PCNX2: variants seen among roughly 807,000 people sequenced by gnomAD.
The protein encoded by PCNX2 is pecanex 2, also known as pecanex-like protein 2.
A neutral mutation model predicts 223.8 loss-of-function variants in PCNX2; 168 were observed. The ratio of observed to expected loss-of-function variants is 0.75; its 90% confidence interval spans 0.66 to 0.85. The LOEUF (loss-of-function observed/expected upper bound fraction) is 0.85, where lower values mean the gene tolerates loss of function less well. PCNX2 is among the 40% of genes least tolerant of loss of function. PCNX2 has a pLI of 0.00. For missense variants in PCNX2, 2,507 were observed against 2,675.5 expected, an observed-to-expected ratio of 0.94 and a Z score of 1.39; for synonymous variants, 1,006 against 1,052.6, an observed-to-expected ratio of 0.96 and a Z score of 0.86.
chr1:233,050,978 CA>C (rs1671984615), intron 25 of PCNX2, among the ~76,000 whole-genome samples: 2 of 151,534 alleles, frequency 1.3e-5, no homozygotes, highest in African/African-American at 4.9e-5. Flanking sequence ...ATCAAACAAG[CA>C]AAAAATAAAT....
At chr1:233,103,209 A>C (rs969333137) in intron 21 of PCNX2, among the ~76,000 whole-genome samples, 1 of 152,154 alleles carries the variant, frequency 6.6e-6, no homozygotes, top group Non-Finnish European at 1.5e-5. Context: ...ATAGGCATGC[A>C]ATACGTAATA....
the PCNX2 span, among the ~76,000 whole-genome samples, chr1:233,321,366 C>T: frequency 2.6e-5 from 4 of 152,250 alleles, no homozygotes; most frequent in South Asian, 2.1e-4. Context: ...GACATGATCT[C>T]GGCCCACTGC....
At chr1:233,143,322 A>G (rs932464884) in intron 19 of PCNX2, among the ~76,000 whole-genome samples, 1 of 152,224 alleles carries the variant, frequency 6.6e-6, no homozygotes, top group South Asian at 2.1e-4. Flanking sequence ...GGTGATTCTC[A>G]AACATCAACA....
intron 1 of PCNX2, among the ~76,000 whole-genome samples, chr1:233,280,199 C>T (rs1338873627): frequency 6.6e-6 from 1 of 152,060 alleles, no homozygotes; most frequent in Non-Finnish European, 1.5e-5. Flanking sequence ...TGTTTCTAGT[C>T]ATCTGCTATA....
chr1:233,221,456 CTCCTCTGCCAGGATTCAAT>C (rs1657375602), intron 10 of PCNX2, among the ~76,000 whole-genome samples: 1 of 152,070 alleles, frequency 6.6e-6, no homozygotes, highest in Admixed American at 6.5e-5. Context: ...CCTCCAAATT[CTCCTCTGCCAGGATTCAAT>C]TCCTCTGCCC....
intron 9 of PCNX2, among the ~76,000 whole-genome samples, chr1:233,230,658 G>T (rs74490211): frequency 2.6e-5 from 4 of 152,136 alleles, no homozygotes; most frequent in African/African-American, 4.8e-5. Context: ...TAGGAAAAGC[G>T]AGGACAAAGG....
At chr1:233,202,695 C>T (rs1031702551) in intron 13 of PCNX2, among the ~76,000 whole-genome samples, 2 of 152,178 alleles carry the variant, frequency 1.3e-5, no homozygotes, top group African/African-American at 4.8e-5. Flanking sequence ...GTTCTAAAAC[C>T]TCCACTTATC....
At position 232,994,815 on chromosome 1, in the gene PCNX2, C is replaced by G. The variant is rs146402564; in HGVS notation, c.5791+3436G>C. Among the ~76,000 whole-genome samples the G allele has an allele frequency of 2.3e-3, 343 of 152,260 alleles. 1 individual carries two copies. Among genetic ancestry groups the G allele is most frequent in the African/African-American group, 7.7e-3 (319 of 41,530 alleles). On this transcript the variant is annotated intron_variant, in intron 32 of 33. Coordinates refer to ENST00000258229, the MANE Select transcript of PCNX2 (RefSeq NM_014801.4). ...AGTGTGGCACTTCCTCACTCTTGCTCTCTCCTGCCACCATGTAAGATGTGT... is the reference window on the plus strand; with the variant it reads ...AGTGTGGCACTTCCTCACTCTTGCTGTCTCCTGCCACCATGTAAGATGTGT...
At chr1:233,209,016 C>A (rs1476034706) in intron 12 of PCNX2, among the ~76,000 whole-genome samples, 2 of 152,132 alleles carry the variant, frequency 1.3e-5, no homozygotes, top group Non-Finnish European at 2.9e-5. Flanking sequence ...CTTTCCCCAA[C>A]AGTGAAACTT....
chr1:233,031,403 T>A (rs1035610438), intron 25 of PCNX2, among the ~76,000 whole-genome samples: 3 of 152,210 alleles, frequency 2.0e-5, no homozygotes, highest in Non-Finnish European at 4.4e-5. Flanking sequence ...GATGCATTGA[T>A]TGAATGGACA....
chr1:233,165,603 G>A (rs1678746618), intron 17 of PCNX2, among the ~76,000 whole-genome samples: 1 of 152,022 alleles, frequency 6.6e-6, no homozygotes, highest in Admixed American at 6.6e-5. Context: ...TTAATTTAAA[G>A]TACTATTTAT....
At chr1:233,085,424 A>G (rs1673554605) in intron 23 of PCNX2, among the ~76,000 whole-genome samples, 1 of 152,152 alleles carries the variant, frequency 6.6e-6, no homozygotes, top group African/African-American at 2.4e-5. Context: ...AATTGAAGGT[A>G]TATATAGACT....
intron 26 of PCNX2, among the ~76,000 whole-genome samples, chr1:233,017,386 C>T (rs866165532): frequency 2.1e-5 from 3 of 140,934 alleles, no homozygotes; most frequent in East Asian, 2.1e-4. Flanking sequence ...GGTGCGATCT[C>T]GGCTCACTGC....
At chr1:233,022,702 T>C (rs1444053218) in intron 26 of PCNX2, among the ~76,000 whole-genome samples, 1 of 147,460 alleles carries the variant, frequency 6.8e-6, no homozygotes, top group African/African-American at 2.5e-5. Context: ...TTTCTTTTTT[T>C]TTTTTTTTTT....
intron 21 of PCNX2, among the ~76,000 whole-genome samples, chr1:233,123,309 C>T (rs1044703557): frequency 3.9e-5 from 6 of 152,226 alleles, no homozygotes; most frequent in South Asian, 2.1e-4. Flanking sequence ...TGGCCGGGCG[C>T]GGTGGCTCAC....
intron 1 of PCNX2, chr1:233,290,690 T>C (rs2103029018): frequency 1.1e-6 from 1 of 940,752 alleles, no homozygotes; most frequent in South Asian, 4.9e-5. Context: ...GCTTGACAGA[T>C]AATCCTATTA....
intron 14 of PCNX2, among the ~76,000 whole-genome samples, chr1:233,199,451 A>ATG (rs138018059): frequency 3.8e-4 from 57 of 150,144 alleles, no homozygotes; most frequent in Admixed American, 6.0e-4. Context: ...TATGTAGTGT[A>ATG]TGTGTGTGTG....
In PCNX2 at chr1:233,045,372, G is replaced by A. The variant is rs552058593; in HGVS notation, c.4351+8896C>T. The stretch of plus-strand genomic sequence containing the variant: ...TTGAAAGCAATGTGCTAGGAAATAC[G>A]TGGAGCTTCTATTTGCCTGAATCCT... On this transcript the variant is annotated intron_variant, in intron 25 of 33. Transcript: ENST00000258229. Among the ~76,000 whole-genome samples the A allele has an allele frequency of 3.2e-4, 49 of 152,312 alleles. No individual in the cohort carries two copies. In the South Asian group the frequency reaches 8.1e-3, roughly 25 times the overall value.
intron 30 of PCNX2, 58 bp from the exon 31 acceptor site, chr1:232,999,437 TG>T: frequency 1.4e-6 from 2 of 1,462,182 alleles, no homozygotes; most frequent in Non-Finnish European, 1.8e-6. Flanking sequence ...TCCAGTCTAT[TG>T]GTTTTTTCTT....
Sources: gnomAD v4.1 joint callset for allele counts (sites outside exome capture counted in the v4.1 genomes callset) on GRCh38, gnomAD v4.1.1 for gene constraint, MANE v1.5 for transcripts, NCBI Gene and HGNC (gene_info 2026-07-23, HGNC 2026-07-21) for gene names.